The following PURG variants were observed in gnomAD, a reference collection of about 807,000 sequenced individuals.
PURG encodes the protein purine rich element binding protein G.
In PURG, 3 loss-of-function variants were observed where a neutral mutation model predicts 24.3. The observed-to-expected ratio is 0.12, with a 90% CI of 0.06 to 0.32. PURG has a LOEUF of 0.32. Ranked by LOEUF, PURG falls within the 10% of genes least tolerant of loss-of-function variation. The pLI is 1.00. For missense variants in PURG, 371 were observed against 439.1 expected, an observed-to-expected ratio of 0.84 and a Z score of 1.39; for synonymous variants, 180 against 173.1, an observed-to-expected ratio of 1.04 and a Z score of -0.31.
intron 1 of PURG, among the ~76,000 whole-genome samples, chr8:31,014,185 C>T (rs1444244103): frequency 6.6e-6 from 1 of 152,050 alleles, no homozygotes; most frequent in East Asian, 1.9e-4. Context: ...TAAGGTAGCA[C>T]TGATACAAAT....
intron 1 of PURG, among the ~76,000 whole-genome samples, chr8:31,010,341 A>G (rs1810739991): frequency 6.6e-6 from 1 of 152,180 alleles, no homozygotes; most frequent in South Asian, 2.1e-4. Context: ...TCTTAAGCAC[A>G]GAGGACAAAG....
chr8:31,031,559 A>C lies in PURG; in HGVS notation c.*180T>G. The C allele has an allele frequency of 1.6e-6, 1 of 637,940 alleles. No homozygotes were observed. The highest frequency in any genetic ancestry group is 2.1e-5 in the South Asian group (1 of 47,820). The allele number at this position is 637,940 out of a possible 1,614,324, so 39.5% of individuals were successfully genotyped here. A position where few individuals can be genotyped will look rare whatever the true frequency, so the allele number is the denominator to read the frequency against. On this transcript the variant is annotated 3_prime_UTR_variant, in exon 2 of 2. Transcript: ENST00000523392. ...CTGGGAAGGTTGGAATTCCCGTAAG[A>C]ATTATAGTGATCTATGTGTAACATA...
At chr8:31,015,954 G>C (rs980317274) in intron 1 of PURG, among the ~76,000 whole-genome samples, 6 of 152,154 alleles carry the variant, frequency 3.9e-5, no homozygotes, top group Admixed American at 3.3e-4. Context: ...TTGGGAGGCT[G>C]AGGTGGGAGG....
intron 1 of PURG, among the ~76,000 whole-genome samples, chr8:31,024,228 G>C (rs887309567): frequency 6.6e-6 from 1 of 152,046 alleles, no homozygotes; most frequent in Non-Finnish European, 1.5e-5. Flanking sequence ...ACAGGTTGCT[G>C]CATCATTATA....
At chr8:31,024,272 C>A (rs1241545079) in intron 1 of PURG, among the ~76,000 whole-genome samples, 1 of 152,132 alleles carries the variant, frequency 6.6e-6, no homozygotes, top group Non-Finnish European at 1.5e-5. Flanking sequence ...AACTCTCACA[C>A]TTTCCAACTC....
chr8:31,024,533 G>A (rs1811055612), intron 1 of PURG, among the ~76,000 whole-genome samples: 1 of 152,070 alleles, frequency 6.6e-6, no homozygotes, highest in Admixed American at 6.6e-5. Flanking sequence ...ATTTCTCTTA[G>A]ATGAATTTCG....
At chr8:31,017,265 C>CA (rs1810891740) in intron 1 of PURG, among the ~76,000 whole-genome samples, 1 of 152,046 alleles carries the variant, frequency 6.6e-6, no homozygotes, top group Non-Finnish European at 1.5e-5. Context: ...ACCCATTTAC[C>CA]ACTACTTCTC....
At chr8:30,998,867 G>A (rs2129765516) in intron 1 of PURG, among the ~76,000 whole-genome samples, 1 of 151,784 alleles carries the variant, frequency 6.6e-6, no homozygotes, top group Non-Finnish European at 1.5e-5. Context: ...AAACAAAAAA[G>A]GCCAGAGAAA....
chr8:31,011,117 A>G (rs1179567091), intron 1 of PURG, among the ~76,000 whole-genome samples: 1 of 152,242 alleles, frequency 6.6e-6, no homozygotes, highest in Non-Finnish European at 1.5e-5. Flanking sequence ...CAATCCAAAC[A>G]TATGAGGAGA....
At position 31,031,855 on chromosome 8, in the gene PURG, A is replaced by T; in HGVS notation, c.928T>A (p.Phe310Ile). The T allele has an allele frequency of 6.2e-7, 1 of 1,608,084 alleles. No individual in the cohort carries two copies. The highest frequency in any genetic ancestry group is 8.5e-7 in the Non-Finnish European group (1 of 1,176,788). Residue 310 changes from phenylalanine to isoleucine, a missense_variant, in exon 2 of 2, where the codon TTT becomes ATT. Physicochemically the swap from Phe to Ile is conservative, Grantham distance 21 (BLOSUM62 0). Coordinates refer to ENST00000523392, the MANE Select transcript of PURG (RefSeq NM_001323311.2). ...TCATACTTGATAAAATTCTCCCCAA[A>T]CCTTGTCCAAGCTTTGAATGGAACA... ...ITVPFKAWTR[F>I]GENFIKYEEE...
rs1810516118 is a variant in PURG at position 31,000,492 on chromosome 8, CA to C, written c.865-3796del. Among the ~76,000 whole-genome samples, 2 of 152,098 alleles carry C rather than the reference CA, an allele frequency of 1.3e-5. 1 individual carries two copies. Among genetic ancestry groups the C allele is most frequent in the South Asian group, 4.1e-4 (2 of 4,820 alleles). On this transcript the variant is annotated intron_variant, in intron 1 of 1. Coordinates refer to the PURG transcript ENST00000339382. ...CTCATTATAAACTAAGATTCTCCCC[CA>C]CCTCAAAATTCTATTGTTCAGAGGA...
chr8:31,013,007 CTAATT>C (rs1425844802), intron 1 of PURG, among the ~76,000 whole-genome samples: 3 of 152,224 alleles, frequency 2.0e-5, no homozygotes, highest in South Asian at 2.1e-4. Context: ...TATTAAGAAT[CTAATT>C]TAAGAATCAA....
chr8:31,019,025 G>A lies in PURG; in HGVS notation c.864+12894C>T, dbSNP rs1055713795. Among the ~76,000 whole-genome samples the A allele has an allele frequency of 6.9e-5, 10 of 145,936 alleles. No homozygotes were observed. In the South Asian group the frequency reaches 8.9e-4, roughly 13 times the overall value. ...TGTAGTCCCAGCTACTCGGGAGGCT[G>A]AGGCAGGAGAATGGCATGAACCCGG... On this transcript the variant is annotated intron_variant, in intron 1 of 1. Coordinates refer to the PURG transcript ENST00000339382.
At chr8:31,015,599 G>A (rs1365199918) in intron 1 of PURG, among the ~76,000 whole-genome samples, 3 of 152,210 alleles carry the variant, frequency 2.0e-5, no homozygotes, top group African/African-American at 7.2e-5. Flanking sequence ...TATGAAACCA[G>A]TGGACTGATG....
intron 1 of PURG, among the ~76,000 whole-genome samples, chr8:31,008,288 C>T (rs148170986): frequency 2.7e-4 from 41 of 152,196 alleles, no homozygotes; most frequent in South Asian, 1.9e-3. Flanking sequence ...GCCTTATGTA[C>T]CTGAAGGCAT....
intron 1 of PURG, among the ~76,000 whole-genome samples, chr8:31,017,328 A>G (rs1453207840): frequency 2.0e-5 from 3 of 152,040 alleles, no homozygotes; most frequent in African/African-American, 7.2e-5. Context: ...AAATTTTTAC[A>G]TATATATGTA....
chr8:31,020,786 C>T (rs1810975628), intron 1 of PURG, among the ~76,000 whole-genome samples: 2 of 152,160 alleles, frequency 1.3e-5, no homozygotes, highest in Admixed American at 1.3e-4. Context: ...TCACTATCTT[C>T]TGTAGCTAAG....
At chr8:31,005,919 T>C (rs1381010093) in intron 1 of PURG, among the ~76,000 whole-genome samples, 2 of 152,022 alleles carry the variant, frequency 1.3e-5, no homozygotes, top group Non-Finnish European at 2.9e-5. Flanking sequence ...ACACCACCAG[T>C]AGAGAAAGGA....
intron 1 of PURG, among the ~76,000 whole-genome samples, chr8:31,008,591 T>C (rs897316234): frequency 2.6e-5 from 4 of 152,240 alleles, no homozygotes; most frequent in Non-Finnish European, 5.9e-5. Flanking sequence ...CGTGAGCCAC[T>C]GCACCTGGTT....
Sources: allele counts gnomAD v4.1 joint callset (sites outside exome capture counted in the v4.1 genomes callset), GRCh38; gene constraint gnomAD v4.1.1; transcripts MANE v1.5; gene names NCBI Gene and HGNC (gene_info 2026-07-23, HGNC 2026-07-21).